The following ETAA1 variants were observed in gnomAD, a reference collection of about 807,000 sequenced individuals.
ETAA1 encodes ewing's tumor-associated antigen 1.
Under a neutral mutation model 76.8 loss-of-function variants are expected in ETAA1, and 49 were observed. The observed-to-expected ratio is 0.64, with a 90% confidence interval of 0.51 to 0.81. The LOEUF is 0.81. ETAA1 is among the 30% of genes least tolerant of loss of function. The pLI is 0.00. For missense variants in ETAA1, 1,099 were observed against 1,074.0 expected (o/e 1.02, Z -0.32); for synonymous variants, 373 against 372.2 (o/e 1.00, Z -0.03).
intron 4 of ETAA1, 61 bp downstream of exon 4, chr2:67,403,035 T>C: frequency 7.0e-7 from 1 of 1,418,818 alleles, no homozygotes; most frequent in Middle Eastern, 1.8e-4. Flanking sequence ...TTGATAATAC[T>C]CCATTTTGGT....
At position 67,403,765 on chromosome 2, in the gene ETAA1, T is replaced by C. The variant is rs1283658470; in HGVS notation, c.1083T>C (p.Thr361=). ...IMTKSCVTSC[T]KEPETSNKYI... ...CAAAATCATGTGTGACTTCCTGTACTAAGGAGCCAGAAACTTCTAATAAGT... is the reference window on the plus strand; with the variant it reads ...CAAAATCATGTGTGACTTCCTGTACCAAGGAGCCAGAAACTTCTAATAAGT... Residue 361 remains threonine (T), a synonymous_variant, in exon 5 of 6, where the codon ACT becomes ACC. Coordinates refer to ENST00000272342, the MANE Select transcript of ETAA1 (RefSeq NM_019002.4). 1 of 1,613,386 alleles carries C rather than the reference T, an allele frequency of 6.2e-7. No homozygotes were observed. The highest frequency in any genetic ancestry group is 1.1e-5 in the South Asian group (1 of 91,070).
Position 67,405,149 on chromosome 2 carries a change from T to C in ETAA1, c.2467T>C (p.Phe823Leu), listed in dbSNP as rs753010751. The C allele has an allele frequency of 2.5e-6, 4 of 1,612,420 alleles. No homozygotes were observed. The African/African-American group carries it at 5.3e-5, about 22-fold the overall frequency. ...NTTVGFSKFT[F>L]TRMKNSQILS... The stretch of plus-strand genomic sequence containing the variant: ...AACAGTTGGATTTTCAAAGTTTACA[T>C]TTACAAGGATGAAAAATTCTCAGAT... Residue 823 changes from phenylalanine (F) to leucine (L), a missense_variant, in exon 5 of 6, where the codon TTT (phenylalanine) becomes CTT (leucine). Coordinates refer to ENST00000272342, the MANE Select transcript of ETAA1 (RefSeq NM_019002.4).
chr2:67,399,847 T>C (rs886602184), intron 3 of ETAA1, among the ~76,000 whole-genome samples: 3 of 152,208 alleles, frequency 2.0e-5, no homozygotes, highest in Non-Finnish European at 4.4e-5. Context: ...TATATCTTGT[T>C]TTAATTTTTT....
At position 67,404,639 on chromosome 2, in the gene ETAA1, C is replaced by T; in HGVS notation, c.1957C>T (p.Gln653Ter). Reference sequence around the variant, plus strand: ...ACATGGAGCCAAACTAACTCAGCAACAAGACATTAGAAAGGACAGTAAGAC... The same window carrying T: ...ACATGGAGCCAAACTAACTCAGCAATAAGACATTAGAAAGGACAGTAAGAC... ...SEHGAKLTQQ[Q>*]DIRKDSKTSE... Residue 653 changes from glutamine to a stop codon, truncating the protein, a stop_gained, in exon 5 of 6, where the codon CAA (glutamine) becomes TAA (stop). Transcript: ENST00000272342. LOFTEE classifies it high-confidence loss of function. 1.2e-6 allele frequency: 2 copies of T among 1,612,652 alleles called. No individual in the cohort carries two copies. The highest frequency in any genetic ancestry group is 8.5e-7 in the Non-Finnish European group (1 of 1,179,378).
chr2:67,408,419 A>G (rs958093626), intron 5 of ETAA1, among the ~76,000 whole-genome samples: 3 of 152,282 alleles, frequency 2.0e-5, no homozygotes, highest in African/African-American at 4.8e-5. Context: ...ATTTGAATAC[A>G]GCTCATCAGT....
At chr2:67,400,754 C>G (rs1676031645) in intron 3 of ETAA1, 1 of 152,126 alleles carries the variant, frequency 6.6e-6, no homozygotes, top group East Asian at 1.9e-4. Flanking sequence ...ATAGATGGCA[C>G]TGGCCCAAAA....
intron 5 of ETAA1, among the ~76,000 whole-genome samples, chr2:67,409,129 C>T (rs1467497857): frequency 1.3e-5 from 2 of 151,966 alleles, no homozygotes; most frequent in Non-Finnish European, 1.5e-5. Flanking sequence ...TGTTAGTTAA[C>T]AAGAGAAATG....
Position 67,409,995 on chromosome 2 carries a change from C to G in ETAA1, c.2738C>G (p.Ala913Gly). ...QEALVRRMAK[A>G]RASSVNAAPT... Reference sequence around the variant, plus strand: ...GCACTGGTTCGGAGAATGGCTAAAGCACGAGCCTCATCTGTAAATGCAGCT... The same window carrying G: ...GCACTGGTTCGGAGAATGGCTAAAGGACGAGCCTCATCTGTAAATGCAGCT... The change falls in exon 6 of 6, where the codon GCA (alanine) becomes GGA (glycine). Residue 913 changes from alanine to glycine, a missense_variant. Ala to Gly is a moderately conservative substitution (Grantham distance 60). This residue lies in a region of ETAA1 where 302 missense variants were observed against 278.1 expected (regional missense o/e 1.09). Transcript: ENST00000272342. 1 of 1,609,864 alleles carries G rather than the reference C, an allele frequency of 6.2e-7. No individual in the cohort carries two copies. Among genetic ancestry groups the G allele is most frequent in the Non-Finnish European group, 8.5e-7 (1 of 1,178,190 alleles).
intron 5 of ETAA1, among the ~76,000 whole-genome samples, chr2:67,406,141 G>T (rs2103756016): frequency 6.6e-6 from 1 of 152,174 alleles, no homozygotes; most frequent in South Asian, 2.1e-4. Context: ...TGTATACTGT[G>T]ACCAACAAAG....
chr2:67,410,168 T>C lies in ETAA1; in HGVS notation c.*130T>C, dbSNP rs1029586477. Reference sequence around the variant, plus strand: ...TATAAAGCCTGGACTTCTACTTTATTTAATAAATCAATGTTTGCAATGGTA... The same window carrying C: ...TATAAAGCCTGGACTTCTACTTTATCTAATAAATCAATGTTTGCAATGGTA... On this transcript the variant is annotated 3_prime_UTR_variant, in exon 6 of 6. Transcript: ENST00000272342. 2.8e-5 allele frequency: 23 copies of C among 808,208 alleles called. No individual in the cohort carries two copies. The highest frequency in any genetic ancestry group is 4.4e-5 in the Non-Finnish European group (22 of 501,656). 50.1% of individuals were successfully genotyped at this position (808,208 alleles called of 1,614,324 possible). A position where few individuals can be genotyped will look rare whatever the true frequency, so the allele number is the denominator to read the frequency against.
rs753596102 is a variant in ETAA1 at position 67,403,800 on chromosome 2, C to G, written c.1118C>G (p.Ala373Gly). Residue 373 changes from alanine to glycine, a missense_variant, in exon 5 of 6, where the codon GCA becomes GGA. Ala to Gly is a moderately conservative substitution (Grantham distance 60). Around this residue, in one of 3 missense-constraint regions of ETAA1, gnomAD observed 761 missense variants for 731.9 expected, o/e 1.04. Coordinates refer to ENST00000272342, the MANE Select transcript of ETAA1 (RefSeq NM_019002.4). ...GAAACTTCTAATAAGTACATTGATG[C>G]ATTTACTACAAGTGATTTTGAGGAT... ...EPETSNKYID[A>G]FTTSDFEDDW... 4 of 1,613,104 alleles carry G rather than the reference C, an allele frequency of 2.5e-6. No homozygotes were observed. Among genetic ancestry groups the G allele is most frequent in the South Asian group, 1.1e-5 (1 of 91,056 alleles).
chr2:67,405,027 A>C lies in ETAA1; in HGVS notation c.2345A>C (p.His782Pro). 6.2e-7 allele frequency: 1 copy of C among 1,611,600 alleles called. No homozygotes were observed. Among genetic ancestry groups the C allele is most frequent in the Non-Finnish European group, 8.5e-7 (1 of 1,178,706 alleles). The part of the protein sequence containing the change: ...GSSSLNVTSD[H>P]MNTEITTYKK... The stretch of plus-strand genomic sequence containing the variant: ...TCAAGTTTGAATGTAACTTCAGATC[A>C]TATGAATACAGAAATTACTACTTAT... Residue 782 changes from histidine (H) to proline (P), a missense_variant, in exon 5 of 6, where the codon CAT becomes CCT. His to Pro is a moderately conservative substitution (Grantham distance 77). This residue lies in a region of ETAA1 where 302 missense variants were observed against 278.1 expected (regional missense o/e 1.09). Coordinates refer to ENST00000272342, the MANE Select transcript of ETAA1 (RefSeq NM_019002.4).
Position 67,411,256 on chromosome 2 carries a change from C to A in ETAA1, c.*1218C>A, listed in dbSNP as rs765832766. On this transcript the variant is annotated 3_prime_UTR_variant, in exon 6 of 6. Coordinates refer to ENST00000272342, the MANE Select transcript of ETAA1 (RefSeq NM_019002.4). Reference sequence around the variant, plus strand: ...TAGAGAAAGTTAGAGATATGAAACACCTGTCATGGTGTGGCATTTATCACT... The same window carrying A: ...TAGAGAAAGTTAGAGATATGAAACAACTGTCATGGTGTGGCATTTATCACT... The A allele has an allele frequency of 1.3e-5, 2 of 151,992 alleles. No homozygotes were observed. Among genetic ancestry groups the A allele is most frequent in the Non-Finnish European group, 2.9e-5 (2 of 67,982 alleles). The allele number at this position is 151,992 out of a possible 1,614,324, so 9.4% of individuals were successfully genotyped here.
rs528703216 is a variant in ETAA1, at chr2:67,404,183, T to G, written c.1501T>G (p.Ser501Ala). Residue 501 changes from serine (S) to alanine (A), a missense_variant, in exon 5 of 6, where the codon TCT (serine) becomes GCT (alanine). Coordinates refer to ENST00000272342, the MANE Select transcript of ETAA1 (RefSeq NM_019002.4). The part of the protein sequence containing the change: ...QDEIQNCIVT[S>A]NLTKIKEDIL... ...CGAAATTCAAAATTGTATAGTTACA[T>G]CTAATCTGACAAAAATAAAGGAAGA... The G allele has an allele frequency of 5.6e-6, 9 of 1,609,056 alleles. No homozygotes were observed. The highest frequency in any genetic ancestry group is 5.9e-6 in the Non-Finnish European group (7 of 1,177,964).
At position 67,397,356 on chromosome 2, in the gene ETAA1, T is replaced by G; in HGVS notation, c.-93T>G. 1 of 1,334,132 alleles carries G rather than the reference T, an allele frequency of 7.5e-7. No homozygotes were observed. The highest frequency in any genetic ancestry group is 1.1e-6 in the Non-Finnish European group (1 of 952,284). 82.6% of individuals were successfully genotyped at this position (1,334,132 alleles called of 1,614,324 possible). Reference sequence around the variant, plus strand: ...CCACCGACCAAAATGGCGGCTGCCGTTGGTGCGGGGTGCGGTTTGTAGTGC... The same window carrying G: ...CCACCGACCAAAATGGCGGCTGCCGGTGGTGCGGGGTGCGGTTTGTAGTGC... On this transcript the variant is annotated 5_prime_UTR_variant, in exon 1 of 6. Coordinates refer to ENST00000272342, the MANE Select transcript of ETAA1 (RefSeq NM_019002.4).
At position 67,410,079 on chromosome 2, in the gene ETAA1, C is replaced by CT; in HGVS notation, c.*42dup. Reference sequence around the variant, plus strand: ...AAGACTTCACGAAGACTGCTGATAACTATCTGTGATTGATAGGAAATTTTT... The same window carrying CT: ...AAGACTTCACGAAGACTGCTGATAACTTATCTGTGATTGATAGGAAATTTTT... On this transcript the variant is annotated 3_prime_UTR_variant, in exon 6 of 6. Transcript: ENST00000272342. 1.3e-6 allele frequency: 2 copies of CT among 1,564,394 alleles called. No individual in the cohort carries two copies. The highest frequency in any genetic ancestry group is 1.7e-6 in the Non-Finnish European group (2 of 1,161,340).
chr2:67,407,525 G>A (rs1355785412), intron 5 of ETAA1, among the ~76,000 whole-genome samples: 2 of 152,112 alleles, frequency 1.3e-5, no homozygotes, highest in African/African-American at 4.8e-5. Context: ...TACAGATAGA[G>A]TTGACCCTTG....
At position 67,411,931 on chromosome 2, in the gene ETAA1, T is replaced by C. The variant is rs915763842; in HGVS notation, c.*1893T>C. On this transcript the variant is annotated 3_prime_UTR_variant, in exon 6 of 6. Coordinates refer to ENST00000272342, the MANE Select transcript of ETAA1 (RefSeq NM_019002.4). ...CTGCTTGCTTTTTTAAGAGTACTTT[T>C]AGCCTATTCTGTTCATTCATTTAGA... The C allele has an allele frequency of 1.3e-5, 2 of 152,020 alleles. No individual in the cohort carries two copies. Among genetic ancestry groups the C allele is most frequent in the East Asian group, 1.9e-4 (1 of 5,176 alleles). 9.4% of individuals were successfully genotyped at this position (152,020 alleles called of 1,614,324 possible). A position where few individuals can be genotyped will look rare whatever the true frequency, so the allele number is the denominator to read the frequency against.
rs1016553091 is a variant in ETAA1 at position 67,404,458 on chromosome 2, A to T, written c.1776A>T (p.Ala592=). The change falls in exon 5 of 6, where the codon GCA becomes GCT. Residue 592 remains alanine (A), a synonymous_variant. Transcript: ENST00000272342. ...CATTTGCCAATGAAATTATTAAAGC[A>T]TGTCATCAATTAGATAATACCTGGG... The part of the protein sequence containing the change: ...DPSFANEIIK[A]CHQLDNTWEA... The T allele has an allele frequency of 1.5e-5, 25 of 1,613,322 alleles. No homozygotes were observed. The highest frequency in any genetic ancestry group is 1.9e-5 in the Non-Finnish European group (22 of 1,179,514).
Sources: allele counts gnomAD v4.1 joint callset (sites outside exome capture counted in the v4.1 genomes callset), GRCh38; gene constraint gnomAD v4.1.1; regional missense constraint gnomAD v4.1.1; transcripts MANE v1.5; gene names NCBI Gene and HGNC (gene_info 2026-07-23, HGNC 2026-07-21).